Variants in PIAS4 observed in about 807,000 individuals in gnomAD.
PIAS4 encodes the protein E3 SUMO-protein ligase PIAS4.
In PIAS4, 7 loss-of-function variants were observed where a neutral mutation model predicts 58.0. That is an observed-to-expected ratio of 0.12 (90% CI 0.07 to 0.23). The LOEUF is 0.23. Among genes scored for constraint, PIAS4 ranks in the 10% least tolerant of loss-of-function variants. PIAS4 has a pLI of 1.00. For synonymous variants in PIAS4, 364 were observed against 312.4 expected (o/e 1.17, Z -1.74); for missense variants, 550 against 709.5 (o/e 0.78, Z 2.55).
Position 4,038,007 on chromosome 19 carries a change from T to A in PIAS4, c.*132T>A. The A allele has an allele frequency of 1.1e-5, 10 of 891,264 alleles. No homozygotes were observed. The highest frequency in any genetic ancestry group is 1.7e-5 in the Non-Finnish European group (10 of 594,930). The allele number at this position is 891,264 out of a possible 1,614,324, so 55.2% of individuals were successfully genotyped here. On this transcript the variant is annotated 3_prime_UTR_variant, in exon 11 of 11. Transcript: ENST00000262971. The surrounding 1 kb of genome is among the most constrained non-coding windows in gnomAD (Gnocchi z 4.1). The stretch of plus-strand genomic sequence containing the variant: ...CGTTTTGTTTTTCCACCCTTTTGCC[T>A]GGCTCCTGGCACCTGTACCTCTGGA...
intron 7 of PIAS4, among the ~76,000 whole-genome samples, chr19:4,031,656 G>C (rs1379709972): frequency 6.6e-6 from 1 of 152,094 alleles, no homozygotes; most frequent in African/African-American, 2.4e-5. Context: ...AGTGACCAGA[G>C]CCCGCAGTGC....
intron 3 of PIAS4, among the ~76,000 whole-genome samples, chr19:4,026,558 G>A (rs908066290): frequency 1.4e-5 from 1 of 70,974 alleles, no homozygotes; most frequent in African/African-American, 4.2e-5. Flanking sequence ...CTAGTCTCAG[G>A]GCAGTCATGT....
In PIAS4 at chr19:4,028,619, C is replaced by T. The variant is rs371551326; in HGVS notation, c.672+19C>T. The T allele has an allele frequency of 7.0e-5, 113 of 1,611,182 alleles. No homozygotes were observed. Among genetic ancestry groups the T allele is most frequent in the African/African-American group, 6.5e-4 (49 of 74,854 alleles). On this transcript the variant is annotated intron_variant, in intron 5 of 10. Coordinates refer to ENST00000262971, the MANE Select transcript of PIAS4 (RefSeq NM_015897.4). ...CGTCCCGGTGAGCATGCCCCGCCCC[C>T]GCGTCGGCTGCACGGGTTTGGGGGG...
Position 4,038,467 on chromosome 19 carries a change from TGGGCAGGATGGGG to T in PIAS4, c.*594_*606del, listed in dbSNP as rs1349179368. On this transcript the variant is annotated 3_prime_UTR_variant, in exon 11 of 11. Transcript: ENST00000262971. This position sits in a 1 kb window ranked among gnomAD's most constrained non-coding sequence, Gnocchi z 4.1. ...AGGGGCAGTAGGGTGGGGGGATGGG[TGGGCAGGATGGGG>T]GTACAGTGGGCGGCTGGGGAGGGTT... 2 of 21,394 alleles carry T rather than the reference TGGGCAGGATGGGG, an allele frequency of 9.3e-5. No homozygotes were observed. The highest frequency in any genetic ancestry group is 4.5e-4 in the Admixed American group (1 of 2,234). The allele number at this position is 21,394 out of a possible 1,614,324, so 1.3% of individuals were successfully genotyped here. A position where few individuals can be genotyped will look rare whatever the true frequency, so the allele number is the denominator to read the frequency against.
At chr19:4,010,688 G>C (rs1336330948) in intron 1 of PIAS4, among the ~76,000 whole-genome samples, 1 of 152,216 alleles carries the variant, frequency 6.6e-6, no homozygotes. Flanking sequence ...ATGTACTAGG[G>C]AGGCTCTGGG....
intron 3 of PIAS4, among the ~76,000 whole-genome samples, chr19:4,025,759 G>A (rs964870580): frequency 2.0e-5 from 3 of 152,126 alleles, no homozygotes; most frequent in African/African-American, 4.8e-5. Context: ...AGAGTGCTCA[G>A]AGCCAGCCAC....
chr19:4,034,603 G>A (rs755519910), intron 9 of PIAS4, among the ~76,000 whole-genome samples: 7 of 152,218 alleles, frequency 4.6e-5, no homozygotes, highest in Non-Finnish European at 1.0e-4. Context: ...CCTTTGGGCC[G>A]GGCACGTGGG....
At chr19:4,028,898 C>T (rs1235185391) in intron 6 of PIAS4, 33 bp from the exon 7 acceptor site, 2 of 1,611,468 alleles carry the variant, frequency 1.2e-6, no homozygotes, top group Non-Finnish European at 8.5e-7. Flanking sequence ...CGGCCCCGTC[C>T]TGCCAGCCCT....
At chr19:4,035,830 TCACACACACACCCG>T (rs2040270624) in intron 9 of PIAS4, among the ~76,000 whole-genome samples, 4 of 149,174 alleles carry the variant, frequency 2.7e-5, no homozygotes, top group South Asian at 2.1e-4. Flanking sequence ...GTCCACACCA[TCACACACACACCCG>T]CACACATCCA....
chr19:4,033,387 G>T, intron 8 of PIAS4, 33 bp from the exon 9 acceptor site: 1 of 1,537,772 alleles, frequency 6.5e-7, no homozygotes. Flanking sequence ...ACAACAGGAG[G>T]GGTGCCCTGC....
chr19:4,024,828 C>A (rs946459209), intron 3 of PIAS4, among the ~76,000 whole-genome samples: 4 of 151,908 alleles, frequency 2.6e-5, no homozygotes, highest in Admixed American at 2.6e-4. Flanking sequence ...TGCAGTGGCG[C>A]GATTTTGGCT....
chr19:4,008,258 C>G (rs962636611), intron 1 of PIAS4, among the ~76,000 whole-genome samples: 1 of 152,134 alleles, frequency 6.6e-6, no homozygotes, highest in Non-Finnish European at 1.5e-5. Context: ...GGGTCTCGTC[C>G]CCGCCCAACA....
At chr19:4,024,183 ACTGG>A in intron 3 of PIAS4, 63 bp downstream of exon 3, 1 of 1,255,334 alleles carries the variant, frequency 8.0e-7, no homozygotes, top group East Asian at 2.3e-5. Context: ...TCCTGGGCTC[ACTGG>A]GGAGAGCCGG....
rs566786421 is a variant in PIAS4 at position 4,015,835 on chromosome 19, C to T, written c.454+2486C>T. Reference sequence around the variant, plus strand: ...CCCCGGAATAGCCGCCGGCCGGCTCCAGGATGGAGACCGCGCCAGGCGGAC... The same window carrying T: ...CCCCGGAATAGCCGCCGGCCGGCTCTAGGATGGAGACCGCGCCAGGCGGAC... On this transcript the variant is annotated intron_variant, in intron 2 of 10. Coordinates refer to ENST00000262971, the MANE Select transcript of PIAS4 (RefSeq NM_015897.4). Among the ~76,000 whole-genome samples the T allele has an allele frequency of 3.3e-5, 5 of 152,334 alleles. 1 individual carries two copies. In the South Asian group the frequency reaches 1.0e-3, roughly 32 times the overall value.
rs1010860927 is a variant in PIAS4 at position 4,012,253 on chromosome 19, C to T, written c.28-670C>T. Among the ~76,000 whole-genome samples, 3 of 151,964 alleles carry T rather than the reference C, an allele frequency of 2.0e-5. No homozygotes were observed. The East Asian group carries it at 5.8e-4, about 29-fold the overall frequency. The stretch of plus-strand genomic sequence containing the variant: ...AGGGTAGTGTGGCAGCAAGAACCGC[C>T]CCTGGCTTCAGAGCCAGGCCTGGGT... On this transcript the variant is annotated intron_variant, in intron 1 of 10. Coordinates refer to ENST00000262971, the MANE Select transcript of PIAS4 (RefSeq NM_015897.4).
At position 4,013,209 on chromosome 19, in the gene PIAS4, A is replaced by G; in HGVS notation, c.314A>G (p.Asn105Ser). The G allele has an allele frequency of 6.2e-7, 1 of 1,613,446 alleles. No homozygotes were observed. Among genetic ancestry groups the G allele is most frequent in the Non-Finnish European group, 8.5e-7 (1 of 1,179,982 alleles). Reference protein sequence around the residue: ...AVPRTPLAGPNIDYPVLYGKY... With the variant: ...AVPRTPLAGPSIDYPVLYGKY... ...CCCAGGACTCCGCTGGCAGGCCCCA[A>G]TATTGACTACCCCGTGCTCTACGGA... The change falls in exon 2 of 11, where the codon AAT (asparagine) becomes AGT (serine). Residue 105 changes from asparagine (N) to serine (S), a missense_variant. Transcript: ENST00000262971. The surrounding 1 kb of genome is among the most constrained non-coding windows in gnomAD (Gnocchi z 5.1).
At chr19:4,019,773 C>T (rs965515488) in intron 2 of PIAS4, among the ~76,000 whole-genome samples, 34 of 152,156 alleles carry the variant, frequency 2.2e-4, no homozygotes, top group African/African-American at 6.0e-4. Context: ...AAACGGGAAC[C>T]GGCTGTGGCA....
rs1295890139 is a variant in PIAS4, at chr19:4,012,980, C to G, written c.85C>G (p.Arg29Gly). ...DLQMLLGFVGRSKSGLKHELV... is the reference protein window; with the variant it reads ...DLQMLLGFVGGSKSGLKHELV... ...TCAGATGCTCCTGGGTTTCGTGGGC[C>G]GGAGTAAGAGTGGACTGAAGCACGA... The change falls in exon 2 of 11, where the codon CGG becomes GGG. Residue 29 changes from arginine (R) to glycine (G), a missense_variant. This residue lies in a region of PIAS4 where 42 missense variants were observed against 84.3 expected (regional missense o/e 0.50). Transcript: ENST00000262971. 1 of 1,613,538 alleles carries G rather than the reference C, an allele frequency of 6.2e-7. No homozygotes were observed. The highest frequency in any genetic ancestry group is 8.5e-7 in the Non-Finnish European group (1 of 1,179,936).
intron 9 of PIAS4, among the ~76,000 whole-genome samples, chr19:4,035,568 C>G (rs12975494): frequency 0.91 from 138,488 of 152,176 alleles, 63,123 homozygotes; most frequent in East Asian, 0.96. Context: ...CTGTGGCTGG[C>G]ATGGGCGTGG....
Sources: gnomAD v4.1 joint callset for allele counts (sites outside exome capture counted in the v4.1 genomes callset) on GRCh38, gnomAD v4.1.1 for gene constraint, gnomAD v4.1.1 regional missense constraint, Gnocchi (gnomAD v3.1) non-coding constraint, MANE v1.5 for transcripts, NCBI Gene and HGNC (gene_info 2026-07-23, HGNC 2026-07-21) for gene names.